The following ZNF48 variants were observed in gnomAD, a reference collection of about 807,000 sequenced individuals.
ZNF48 encodes zinc finger protein 553.
A neutral mutation model predicts 40.0 loss-of-function variants in ZNF48; 20 were observed. That is an observed-to-expected ratio of 0.50 (90% CI 0.35 to 0.73). ZNF48 has a LOEUF of 0.73. Ranked by LOEUF, ZNF48 falls within the 30% of genes least tolerant of loss-of-function variation. ZNF48 has a pLI of 0.01. For missense variants in ZNF48, 726 were observed against 851.9 expected (o/e 0.85, Z 1.84); for synonymous variants, 298 against 329.7 (o/e 0.90, Z 1.04).
At position 30,378,550 on chromosome 16, in the gene ZNF48, C is replaced by G. The variant is rs373429879; in HGVS notation, c.-16+140C>G. On this transcript the variant is annotated intron_variant, in intron 1 of 2. Coordinates refer to the ZNF48 transcript ENST00000528032. ...GCAGGGCGAGATTGCAGGCGGTGAC[C>G]TGGCGAAGCCAGAGGGGGACCTGGG... 20 of 1,601,564 alleles carry G rather than the reference C, an allele frequency of 1.2e-5. No homozygotes were observed. In the African/African-American group the frequency reaches 2.3e-4, roughly 18 times the overall value.
At chr16:30,378,500 C>T (rs760993615) in intron 1 of ZNF48, 4 of 1,579,234 alleles carry the variant, frequency 2.5e-6, no homozygotes, top group Non-Finnish European at 3.4e-6. Flanking sequence ...TCTTCTCCAG[C>T]ATCTCTTGCA....
chr16:30,378,529 G>A, intron 1 of ZNF48: 2 of 1,598,962 alleles, frequency 1.3e-6, no homozygotes, highest in African/African-American at 1.3e-5. Flanking sequence ...AGCTGTGCAG[G>A]GCGAGATTGC....
chr16:30,382,877 A>G lies in ZNF48; in HGVS notation c.-16+4467A>G. On this transcript the variant is annotated intron_variant, in intron 1 of 2. Coordinates refer to the ZNF48 transcript ENST00000528032. The surrounding 1 kb of genome is among the most constrained non-coding windows in gnomAD (Gnocchi z 4.8). Reference sequence around the variant, plus strand: ...AGATGAAGGTTTTGATGAGCTGATTAGAAAACAGTTCCCAGGACGGGCAAG... The same window carrying G: ...AGATGAAGGTTTTGATGAGCTGATTGGAAAACAGTTCCCAGGACGGGCAAG... 1 of 1,212,362 alleles carries G rather than the reference A, an allele frequency of 8.2e-7. No homozygotes were observed. The highest frequency in any genetic ancestry group is 2.5e-5 in the East Asian group (1 of 39,370). 75.1% of individuals were successfully genotyped at this position (1,212,362 alleles called of 1,614,324 possible).
Position 30,398,137 on chromosome 16 carries a change from G to A in ZNF48, c.887G>A (p.Ser296Asn), listed in dbSNP as rs750722309. 1 of 1,613,838 alleles carries A rather than the reference G, an allele frequency of 6.2e-7. No homozygotes were observed. The highest frequency in any genetic ancestry group is 8.5e-7 in the Non-Finnish European group (1 of 1,179,842). The change falls in exon 3 of 3, where the codon AGT becomes AAT. Residue 296 changes from serine to asparagine, a missense_variant. Ser to Asn is a conservative substitution (Grantham distance 46). This residue lies in a region of ZNF48 where 378 missense variants were observed against 449.1 expected (regional missense o/e 0.84). Transcript: ENST00000613509. The surrounding 1 kb of genome is among the most constrained non-coding windows in gnomAD (Gnocchi z 6.6). Reference protein sequence around the residue: ...LSCSLLSHQRSHLGPKPFGCD... With the variant: ...LSCSLLSHQRNHLGPKPFGCD... The stretch of plus-strand genomic sequence containing the variant: ...TGCAGCCTCCTGAGTCACCAGCGTA[G>A]TCACTTGGGGCCCAAGCCCTTTGGC...
At chr16:30,387,206 G>C (rs1232913541) in intron 1 of ZNF48, among the ~76,000 whole-genome samples, 1 of 147,638 alleles carries the variant, frequency 6.8e-6, no homozygotes, top group Non-Finnish European at 1.5e-5. Flanking sequence ...GCCTCCCAAA[G>C]TGCTGGGATT....
Position 30,381,020 on chromosome 16 carries a change from G to A in ZNF48, c.-16+2610G>A. On this transcript the variant is annotated intron_variant, in intron 1 of 2. Coordinates refer to the ZNF48 transcript ENST00000528032. This position sits in a 1 kb window ranked among gnomAD's most constrained non-coding sequence, Gnocchi z 4.3. The stretch of plus-strand genomic sequence containing the variant: ...CCTCAGAAGCTTCTCCTACAATCTA[G>A]CCTGATGCACCATGCTCCAGAAAGG... 1 of 911,374 alleles carries A rather than the reference G, an allele frequency of 1.1e-6. No homozygotes were observed. Among genetic ancestry groups the A allele is most frequent in the Non-Finnish European group, 1.8e-6 (1 of 550,280 alleles). 56.5% of individuals were successfully genotyped at this position (911,374 alleles called of 1,614,324 possible). A position where few individuals can be genotyped will look rare whatever the true frequency, so the allele number is the denominator to read the frequency against.
chr16:30,378,479 T>C (rs1222901230), intron 1 of ZNF48: 3 of 1,577,406 alleles, frequency 1.9e-6, no homozygotes, highest in African/African-American at 2.7e-5. Flanking sequence ...TCTGCTGCAT[T>C]TGGGCCTGCA....
At chr16:30,383,354 A>C (rs2049874408) in intron 1 of ZNF48, among the ~76,000 whole-genome samples, 1 of 152,108 alleles carries the variant, frequency 6.6e-6, no homozygotes, top group South Asian at 2.1e-4. Flanking sequence ...GCGCCTGGCT[A>C]ATTTTTTTGT....
chr16:30,378,354 G>T (rs1033412361), exon 1 of ZNF48: 24 of 1,340,056 alleles, frequency 1.8e-5, no homozygotes, highest in Non-Finnish European at 2.3e-5. Flanking sequence ...CCCGGGGGGC[G>T]CTGGGCAGTG....
chr16:30,382,893 G>T lies in ZNF48; in HGVS notation c.-16+4483G>T. 1 of 1,064,976 alleles carries T rather than the reference G, an allele frequency of 9.4e-7. No individual in the cohort carries two copies. Among genetic ancestry groups the T allele is most frequent in the Non-Finnish European group, 1.4e-6 (1 of 717,678 alleles). 66.0% of individuals were successfully genotyped at this position (1,064,976 alleles called of 1,614,324 possible). A position where few individuals can be genotyped will look rare whatever the true frequency, so the allele number is the denominator to read the frequency against. ...GAGCTGATTAGAAAACAGTTCCCAG[G>T]ACGGGCAAGGTGGCTCTCGCCTGTA... On this transcript the variant is annotated intron_variant, in intron 1 of 2. Coordinates refer to the ZNF48 transcript ENST00000528032. This position sits in a 1 kb window ranked among gnomAD's most constrained non-coding sequence, Gnocchi z 4.8.
chr16:30,397,807 C>T lies in ZNF48; in HGVS notation c.557C>T (p.Pro186Leu). The change falls in exon 3 of 3, where the codon CCT becomes CTT. Residue 186 changes from proline (P) to leucine (L), a missense_variant. Around this residue, in one of 5 missense-constraint regions of ZNF48, gnomAD observed 378 missense variants for 449.1 expected, o/e 0.84. Transcript: ENST00000613509. The surrounding 1 kb of genome is among the most constrained non-coding windows in gnomAD (Gnocchi z 4.1). ...GPPKIPRSRI[P>L]AGERPTICGE... ...CCAAAGATTCCTCGGTCCCGGATCC[C>T]TGCTGGTGAGCGCCCCACTATCTGT... The T allele has an allele frequency of 6.2e-7, 1 of 1,613,814 alleles. No homozygotes were observed.
rs1381002443 is a variant in ZNF48, at chr16:30,399,125, G to A, written c.*18G>A. 5 of 1,530,958 alleles carry A rather than the reference G, an allele frequency of 3.3e-6. No homozygotes were observed. The highest frequency in any genetic ancestry group is 4.4e-6 in the Non-Finnish European group (5 of 1,140,446). 94.8% of individuals were successfully genotyped at this position (1,530,958 alleles called of 1,614,324 possible). Reference sequence around the variant, plus strand: ...TGGAATGACGCGGTCCAGGGAGGGCGGAGGCCCAGGAGACCAAAGGGAGGG... The same window carrying A: ...TGGAATGACGCGGTCCAGGGAGGGCAGAGGCCCAGGAGACCAAAGGGAGGG... On this transcript the variant is annotated 3_prime_UTR_variant, in exon 3 of 3. Coordinates refer to ENST00000613509, the MANE Select transcript of ZNF48 (RefSeq NM_001214909.2).
At chr16:30,388,430 G>A (rs1237877369) in intron 1 of ZNF48, among the ~76,000 whole-genome samples, 1 of 152,076 alleles carries the variant, frequency 6.6e-6, no homozygotes, top group Non-Finnish European at 1.5e-5. Context: ...TGTTGCCCTG[G>A]CTGGTCTTGA....
At chr16:30,379,481 CCCGCCA>C in intron 1 of ZNF48, 1 of 1,613,924 alleles carries the variant, frequency 6.2e-7, no homozygotes. Flanking sequence ...CCGGCCGGTT[CCCGCCA>C]TCCCTCACCA....
chr16:30,385,220 AT>A (rs2049892295), intron 1 of ZNF48, among the ~76,000 whole-genome samples: 1 of 136,268 alleles, frequency 7.3e-6, no homozygotes, highest in Middle Eastern at 3.4e-3. Context: ...AATAATAATA[AT>A]ATAAATAAAT....
upstream of ZNF48, among the ~76,000 whole-genome samples, chr16:30,392,895 C>A (rs1427108411): frequency 1.3e-5 from 2 of 152,092 alleles, no homozygotes; most frequent in Non-Finnish European, 2.9e-5. Flanking sequence ...TGAAGAGTTT[C>A]TTTATTTCCA....
intron 1 of ZNF48, among the ~76,000 whole-genome samples, chr16:30,383,346 G>T (rs1000626290): frequency 6.6e-6 from 1 of 152,106 alleles, no homozygotes; most frequent in South Asian, 2.1e-4. Context: ...CTGCTACCGC[G>T]CCTGGCTAAT....
Position 30,382,566 on chromosome 16 carries a change from A to C in ZNF48, c.-16+4156A>C. ...ATCACTGCACCTGCCGTCTCTCCCCACTTCCTCTGGTGGGGCAGGAAGCTG... is the reference window on the plus strand; with the variant it reads ...ATCACTGCACCTGCCGTCTCTCCCCCCTTCCTCTGGTGGGGCAGGAAGCTG... On this transcript the variant is annotated intron_variant, in intron 1 of 2. Coordinates refer to the ZNF48 transcript ENST00000528032. The surrounding 1 kb of genome is among the most constrained non-coding windows in gnomAD (Gnocchi z 4.8). 6.3e-7 allele frequency: 1 copy of C among 1,582,982 alleles called. No homozygotes were observed. The highest frequency in any genetic ancestry group is 8.6e-7 in the Non-Finnish European group (1 of 1,164,304).
chr16:30,394,981 C>T (rs2049967859), upstream of ZNF48: 1 of 219,932 alleles, frequency 4.5e-6, no homozygotes, highest in African/African-American at 2.4e-5. Context: ...GGGCCCTCGG[C>T]CTCTCGGACC....
Sources: allele counts gnomAD v4.1 joint callset (sites outside exome capture counted in the v4.1 genomes callset), GRCh38; gene constraint gnomAD v4.1.1; regional missense constraint gnomAD v4.1.1; non-coding constraint Gnocchi (gnomAD v3.1); transcripts MANE v1.5; gene names NCBI Gene and HGNC (gene_info 2026-07-23, HGNC 2026-07-21).